CEMIP2: variants seen among roughly 807,000 people sequenced by gnomAD.
The protein encoded by CEMIP2 is cell migration inducing hyaluronidase 2.
A neutral mutation model predicts 146.9 loss-of-function variants in CEMIP2; 79 were observed. That is an observed-to-expected ratio of 0.54 (90% CI 0.45 to 0.65). The LOEUF is 0.65. Among genes scored for constraint, CEMIP2 ranks in the 30% least tolerant of loss-of-function variants. The pLI, the probability that CEMIP2 is intolerant of heterozygous loss-of-function variation, is 0.00. For synonymous variants in CEMIP2, 601 were observed against 606.3 expected (o/e 0.99, Z 0.13); for missense variants, 1,596 against 1,696.2 (o/e 0.94, Z 1.04).
chr9:71,702,915 T>C (rs1394810944), intron 18 of CEMIP2, among the ~76,000 whole-genome samples: 1 of 152,212 alleles, frequency 6.6e-6, no homozygotes, highest in African/African-American at 2.4e-5. Context: ...TGCATATCAT[T>C]TTATTGTCAT....
intron 21 of CEMIP2, among the ~76,000 whole-genome samples, chr9:71,691,281 G>T (rs748681738): frequency 1.3e-5 from 2 of 150,440 alleles, no homozygotes; most frequent in African/African-American, 5.0e-5. Flanking sequence ...TACACCGGGC[G>T]TGGTGGTGCA....
rs34555277 is a variant in CEMIP2 at position 71,719,842 on chromosome 9, C to CAAAAAAAAAAA, written c.2268-1774_2268-1764dup. Among the ~76,000 whole-genome samples, 56 of 93,196 alleles carry CAAAAAAAAAAA rather than the reference C, an allele frequency of 6.0e-4. 2 individuals carry two copies. The highest frequency in any genetic ancestry group is 2.0e-3 in the East Asian group (5 of 2,556). The allele number at this position is 93,196 out of a possible 152,430, so 61.1% of individuals were successfully genotyped here. Reference sequence around the variant, plus strand: ...GGAGACATACTGTTCTAAACGAAAGCAAAAAAAAAAAAAAAAAAAGAGTAC... The same window carrying CAAAAAAAAAAA: ...GGAGACATACTGTTCTAAACGAAAGCAAAAAAAAAAAAAAAAAAAAAAAAAAAAAAGAGTAC... On this transcript the variant is annotated intron_variant, in intron 12 of 23. Coordinates refer to ENST00000377044, the MANE Select transcript of CEMIP2 (RefSeq NM_013390.3).
chr9:71,716,554 T>C lies in CEMIP2; in HGVS notation c.2400-2A>G, dbSNP rs370054380. On this transcript the variant is annotated splice_acceptor_variant, in intron 13 of 23. Transcript: ENST00000377044. LOFTEE classifies it high-confidence loss of function. Reference sequence around the variant, plus strand: ...AGTCCTATTCCATTATCTGCAAATCTGTAAAAGAAGAGAGAATGAAGAACA... The same window carrying C: ...AGTCCTATTCCATTATCTGCAAATCCGTAAAAGAAGAGAGAATGAAGAACA... 79 of 1,592,904 alleles carry C rather than the reference T, an allele frequency of 5.0e-5. No individual in the cohort carries two copies. Among genetic ancestry groups the C allele is most frequent in the Non-Finnish European group, 6.8e-5 (79 of 1,170,262 alleles).
At chr9:71,749,991 C>T in intron 2 of CEMIP2, 52 bp downstream of exon 2, 1 of 1,484,708 alleles carries the variant, frequency 6.7e-7, no homozygotes, top group Non-Finnish European at 9.0e-7. Context: ...TCTACTATTT[C>T]CTCCTCTTTT....
At chr9:71,729,042 G>A (rs1392714542) in intron 10 of CEMIP2, among the ~76,000 whole-genome samples, 2 of 151,530 alleles carry the variant, frequency 1.3e-5, no homozygotes, top group Admixed American at 6.6e-5. Context: ...GTTTCGCCAT[G>A]TTGCCCAGGC....
rs145776612 is a variant in CEMIP2 at position 71,752,708 on chromosome 9, C to T, written c.-12-2323G>A. Among the ~76,000 whole-genome samples, 596 of 152,048 alleles carry T rather than the reference C, an allele frequency of 3.9e-3. 3 individuals are homozygous for T. Among genetic ancestry groups the T allele is most frequent in the Middle Eastern group, 6.8e-3 (2 of 292 alleles). On this transcript the variant is annotated intron_variant, in intron 1 of 23. Coordinates refer to ENST00000377044, the MANE Select transcript of CEMIP2 (RefSeq NM_013390.3). The stretch of plus-strand genomic sequence containing the variant: ...GCCAAACAGTGAATAAGATTCTAGT[C>T]ATAAAGGTACTTCCAAATTGCTCTA...
intron 4 of CEMIP2, among the ~76,000 whole-genome samples, chr9:71,742,184 A>G (rs1328419107): frequency 6.6e-6 from 1 of 152,238 alleles, no homozygotes; most frequent in Non-Finnish European, 1.5e-5. Flanking sequence ...CTACACCCTT[A>G]CAAATTCCAC....
chr9:71,691,166 G>A (rs200895309), intron 21 of CEMIP2, among the ~76,000 whole-genome samples: 3 of 152,256 alleles, frequency 2.0e-5, no homozygotes, highest in East Asian at 3.9e-4. Context: ...GGTGGCTTAC[G>A]CCTGTAATCC....
intron 5 of CEMIP2, 137 bp downstream of exon 5, chr9:71,739,926 A>C: frequency 1.3e-6 from 1 of 788,882 alleles, no homozygotes; most frequent in African/African-American, 1.7e-5. Context: ...ACAGTAGGAA[A>C]ACTAAGTTTC....
chr9:71,718,956 G>A (rs1173060383), intron 12 of CEMIP2, among the ~76,000 whole-genome samples: 1 of 152,012 alleles, frequency 6.6e-6, no homozygotes, highest in East Asian at 1.9e-4. Context: ...CAGTTATAAG[G>A]ACCTTACTGA....
intron 18 of CEMIP2, among the ~76,000 whole-genome samples, chr9:71,703,228 TG>T (rs1304564822): frequency 1.3e-5 from 2 of 152,068 alleles, no homozygotes; most frequent in African/African-American, 4.8e-5. Context: ...CTTTAGGAGC[TG>T]GAACCAACAG....
At chr9:71,767,560 T>A (rs1179642924) in intron 1 of CEMIP2, among the ~76,000 whole-genome samples, 3 of 152,212 alleles carry the variant, frequency 2.0e-5, no homozygotes, top group Admixed American at 1.3e-4. Context: ...CGAAGTCTGG[T>A]GACACTCATC....
Position 71,707,922 on chromosome 9 carries a change from C to T in CEMIP2, c.2985+1337G>A, listed in dbSNP as rs541651463. ...TAAATCCTGGCCGGGCGCGGTGGCT[C>T]ACGCCTGTAATCCCAGCATTTTGGG... On this transcript the variant is annotated intron_variant, in intron 17 of 23. Coordinates refer to ENST00000377044, the MANE Select transcript of CEMIP2 (RefSeq NM_013390.3). 2.4e-4 allele frequency among the ~76,000 whole-genome samples: 36 copies of T among 152,296 alleles called. No homozygotes were observed. The South Asian group carries it at 7.3e-3, about 31-fold the overall frequency.
At position 71,725,723 on chromosome 9, in the gene CEMIP2, G is replaced by C. The variant is rs775001235; in HGVS notation, c.2050-14C>G. 1.9e-6 allele frequency: 3 copies of C among 1,608,138 alleles called. No homozygotes were observed. Among genetic ancestry groups the C allele is most frequent in the South Asian group, 2.2e-5 (2 of 90,098 alleles). On this transcript the variant is annotated splice_polypyrimidine_tract_variant and intron_variant, in intron 10 of 23. Transcript: ENST00000377044. ...TATTCCAGCATCCTACAAATGAAAG[G>C]ACAAGCCCATTAAAAGCCTAATTTA...
At chr9:71,737,155 C>CAAAAA (rs34623620) in intron 5 of CEMIP2, among the ~76,000 whole-genome samples, 4 of 107,066 alleles carry the variant, frequency 3.7e-5, no homozygotes, top group African/African-American at 7.0e-5. Context: ...AGATCTTTCT[C>CAAAAA]AAAAAAAAAA....
chr9:71,699,618 C>G (rs1822501340), intron 19 of CEMIP2, among the ~76,000 whole-genome samples: 1 of 152,086 alleles, frequency 6.6e-6, no homozygotes, highest in South Asian at 2.1e-4. Context: ...CAACTGAGCC[C>G]CGACTTCATT....
chr9:71,755,475 T>C (rs900691913), intron 1 of CEMIP2, among the ~76,000 whole-genome samples: 1 of 151,590 alleles, frequency 6.6e-6, no homozygotes, highest in African/African-American at 2.4e-5. Flanking sequence ...ATGAGACCAG[T>C]AGTTCAAGGT....
chr9:71,745,000 G>A lies in CEMIP2; in HGVS notation c.1034+18C>T. The A allele has an allele frequency of 6.2e-7, 1 of 1,605,396 alleles. No homozygotes were observed. Among genetic ancestry groups the A allele is most frequent in the Non-Finnish European group, 8.5e-7 (1 of 1,176,164 alleles). ...AGACACGGACTCTGATAGGGATCTG[G>A]GAAGAAGGTATGCCTACCTGTAGCC... On this transcript the variant is annotated intron_variant, in intron 4 of 23. Coordinates refer to ENST00000377044, the MANE Select transcript of CEMIP2 (RefSeq NM_013390.3).
rs1361236656 is a variant in CEMIP2, at chr9:71,692,121, A to AG, written c.3697-1876_3697-1875insC. On this transcript the variant is annotated intron_variant, in intron 21 of 23. Coordinates refer to ENST00000377044, the MANE Select transcript of CEMIP2 (RefSeq NM_013390.3). ...GAGACTCTATCTTAAAAAAAAAAAG[A>AG]AAAAAAAAAACAACCAAAAACCCCT... 5.5e-4 allele frequency among the ~76,000 whole-genome samples: 79 copies of AG among 143,442 alleles called. 6 individuals are homozygous for AG. In the East Asian group the frequency reaches 0.015, roughly 28 times the overall value. The allele number at this position is 143,442 out of a possible 152,430, so 94.1% of individuals were successfully genotyped here.
Sources: allele counts gnomAD v4.1 joint callset (sites outside exome capture counted in the v4.1 genomes callset), GRCh38; gene constraint gnomAD v4.1.1; transcripts MANE v1.5; gene names NCBI Gene and HGNC (gene_info 2026-07-23, HGNC 2026-07-21).